Variants in PTPN13 observed in about 807,000 individuals in gnomAD.
PTPN13 encodes the protein tyrosine-protein phosphatase non-receptor type 13.
In PTPN13, 191 loss-of-function variants were observed where a neutral mutation model predicts 284.0. That is an observed-to-expected ratio of 0.67 (90% CI 0.60 to 0.76). PTPN13 has a LOEUF of 0.76. Ranked by LOEUF, PTPN13 falls within the 30% of genes least tolerant of loss-of-function variation. PTPN13 has a pLI of 0.00. For missense variants in PTPN13, 2,797 were observed against 2,939.9 expected, an observed-to-expected ratio of 0.95 and a Z score of 1.12; for synonymous variants, 986 against 1,022.3, an observed-to-expected ratio of 0.96 and a Z score of 0.68.
intron 6 of PTPN13, among the ~76,000 whole-genome samples, chr4:86,696,058 T>C (rs184441321): frequency 6.6e-6 from 1 of 152,076 alleles, no homozygotes; most frequent in East Asian, 1.9e-4. Context: ...AGAGGCTTAA[T>C]GTTTCAGAAA....
intron 16 of PTPN13, among the ~76,000 whole-genome samples, chr4:86,744,533 A>C (rs867785844): frequency 6.6e-6 from 1 of 152,220 alleles, no homozygotes; most frequent in Non-Finnish European, 1.5e-5. Flanking sequence ...TAATACAGTC[A>C]TGTGCCATGT....
At chr4:86,737,062 G>C (rs887699884) in intron 15 of PTPN13, among the ~76,000 whole-genome samples, 1 of 151,970 alleles carries the variant, frequency 6.6e-6, no homozygotes, top group Admixed American at 6.6e-5. Context: ...TAAGTGTTTG[G>C]TGAGTTTTTA....
chr4:86,777,959 T>C (rs1271309111), intron 35 of PTPN13, among the ~76,000 whole-genome samples: 1 of 152,204 alleles, frequency 6.6e-6, no homozygotes, highest in Non-Finnish European at 1.5e-5. Flanking sequence ...CAACTGAATA[T>C]TTTGCCTCAA....
rs151197122 is a variant in PTPN13 at position 86,736,734 on chromosome 4, A to G, written c.2304+988A>G. Among the ~76,000 whole-genome samples, 466 of 152,334 alleles carry G rather than the reference A, an allele frequency of 3.1e-3. 1 individual carries two copies. Among genetic ancestry groups the G allele is most frequent in the Middle Eastern group, 0.014 (4 of 294 alleles). ...AGAATTTGCATGAGGATTTGCAGAC[A>G]GACAGTCTTGCATTTGAATTCTTAT... On this transcript the variant is annotated intron_variant, in intron 15 of 47. Coordinates refer to ENST00000411767, the MANE Select transcript of PTPN13 (RefSeq NM_080683.3).
chr4:86,651,529 T>C (rs1311343769), intron 2 of PTPN13, among the ~76,000 whole-genome samples: 1 of 152,152 alleles, frequency 6.6e-6, no homozygotes, highest in African/African-American at 2.4e-5. Flanking sequence ...CCCATCTCCT[T>C]GATTTATTGG....
chr4:86,764,882 T>C lies in PTPN13; in HGVS notation c.4149+158T>C, dbSNP rs570854597. The C allele has an allele frequency of 4.0e-4, 351 of 873,140 alleles. 2 individuals carry two copies. Among genetic ancestry groups the C allele is most frequent in the African/African-American group, 3.6e-3 (199 of 55,918 alleles). The allele number at this position is 873,140 out of a possible 1,614,324, so 54.1% of individuals were successfully genotyped here. ...TCATATCTAAAAACTATTTTAAAAATTGTGTTAGTCACTTTTTCCTGTGAT... is the reference window on the plus strand; with the variant it reads ...TCATATCTAAAAACTATTTTAAAAACTGTGTTAGTCACTTTTTCCTGTGAT... On this transcript the variant is annotated intron_variant, in intron 25 of 47. Transcript: ENST00000411767.
intron 1 of PTPN13, among the ~76,000 whole-genome samples, chr4:86,599,376 A>T (rs937808032): frequency 6.6e-6 from 1 of 152,118 alleles, no homozygotes; most frequent in African/African-American, 2.4e-5. Context: ...TACTATTTGG[A>T]TGAGAATTTA....
intron 6 of PTPN13, among the ~76,000 whole-genome samples, chr4:86,694,318 C>T (rs1255634850): frequency 3.3e-5 from 5 of 151,674 alleles, no homozygotes; most frequent in Non-Finnish European, 5.9e-5. Context: ...TGGTGGCTCA[C>T]GCCTGTAATC....
At chr4:86,752,372 T>C (rs1044097132) in intron 19 of PTPN13, among the ~76,000 whole-genome samples, 1 of 152,202 alleles carries the variant, frequency 6.6e-6, no homozygotes, top group African/African-American at 2.4e-5. Flanking sequence ...ACTTTATTAA[T>C]GTAGGCTTTC....
At chr4:86,607,708 G>T (rs894953783) in intron 1 of PTPN13, among the ~76,000 whole-genome samples, 1 of 152,006 alleles carries the variant, frequency 6.6e-6, no homozygotes, top group African/African-American at 2.4e-5. Flanking sequence ...TAGAAAAGAT[G>T]AAAGAGACCT....
chr4:86,758,900 G>A (rs761733677), intron 22 of PTPN13, 42 bp from the exon 23 acceptor site: 10 of 1,597,812 alleles, frequency 6.3e-6, no homozygotes, highest in East Asian at 2.2e-5. Context: ...CAGAATAAAT[G>A]TATCTTTGTT....
chr4:86,598,628 CT>C (rs1764032859), intron 1 of PTPN13, among the ~76,000 whole-genome samples: 1 of 152,204 alleles, frequency 6.6e-6, no homozygotes. Flanking sequence ...AAAAGGCCCT[CT>C]TTACCTACTA....
chr4:86,768,747 G>C (rs1020094074), intron 28 of PTPN13, among the ~76,000 whole-genome samples: 3 of 119,578 alleles, frequency 2.5e-5, no homozygotes, highest in Non-Finnish European at 4.9e-5. Flanking sequence ...GTCTCGTTCT[G>C]TTGCCCAGGC....
chr4:86,611,021 C>T (rs1276494736), intron 1 of PTPN13, among the ~76,000 whole-genome samples: 13 of 152,156 alleles, frequency 8.5e-5, no homozygotes, highest in African/African-American at 2.9e-4. Context: ...AAATATATGA[C>T]TTGATTTCCA....
In PTPN13 at chr4:86,635,461, T is replaced by G. The variant is rs1375251757; in HGVS notation, c.115+90T>G. ...ACAGGGTCAGAGATTAGATTTTTGT[T>G]TCATTATTCCTGTGCCTTTGGCAGA... On this transcript the variant is annotated intron_variant, in intron 2 of 47. Transcript: ENST00000411767. The G allele has an allele frequency of 2.0e-6, 3 of 1,509,102 alleles. No homozygotes were observed. The African/African-American group carries it at 4.2e-5, about 21-fold the overall frequency. 93.5% of individuals were successfully genotyped at this position (1,509,102 alleles called of 1,614,324 possible). A position where few individuals can be genotyped will look rare whatever the true frequency, so the allele number is the denominator to read the frequency against.
At position 86,814,569 on chromosome 4, in the gene PTPN13, GA is replaced by G. The variant is rs758178532; in HGVS notation, c.*19del. 5.1e-6 allele frequency: 8 copies of G among 1,580,484 alleles called. No individual in the cohort carries two copies. The highest frequency in any genetic ancestry group is 7.0e-6 in the Non-Finnish European group (8 of 1,150,462). Reference sequence around the variant, plus strand: ...TGAAGTGACATGAAAAGAGCCTCTGGATGCATTTCCATTTCTCTCCTTAACC... The same window carrying G: ...TGAAGTGACATGAAAAGAGCCTCTGGTGCATTTCCATTTCTCTCCTTAACC... On this transcript the variant is annotated 3_prime_UTR_variant, in exon 48 of 48. Coordinates refer to ENST00000411767, the MANE Select transcript of PTPN13 (RefSeq NM_080683.3).
chr4:86,805,682 CTGG>C (rs1464297124), intron 44 of PTPN13, among the ~76,000 whole-genome samples: 1 of 152,160 alleles, frequency 6.6e-6, no homozygotes, highest in South Asian at 2.1e-4. Flanking sequence ...AAAATAGGAA[CTGG>C]CTTCTGGATG....
At chr4:86,606,637 G>GT (rs1764768513) in intron 1 of PTPN13, among the ~76,000 whole-genome samples, 7 of 151,894 alleles carry the variant, frequency 4.6e-5, no homozygotes, top group Admixed American at 2.6e-4. Flanking sequence ...TCAGATAAAT[G>GT]TTTTATTTGG....
At position 86,798,098 on chromosome 4, in the gene PTPN13, T is replaced by G. The variant is rs564014623; in HGVS notation, c.6402-1003T>G. Among the ~76,000 whole-genome samples, 151 of 152,256 alleles carry G rather than the reference T, an allele frequency of 9.9e-4. 1 individual carries two copies. The highest frequency in any genetic ancestry group is 3.4e-3 in the African/African-American group (142 of 41,540). On this transcript the variant is annotated intron_variant, in intron 41 of 47. Coordinates refer to ENST00000411767, the MANE Select transcript of PTPN13 (RefSeq NM_080683.3). The stretch of plus-strand genomic sequence containing the variant: ...ATTAACTGAAGAAAAATGCATGCCC[T>G]TTACAGATTTTTTGAGATTGAGAAA...
Sources: gnomAD v4.1 joint callset for allele counts (sites outside exome capture counted in the v4.1 genomes callset) on GRCh38, gnomAD v4.1.1 for gene constraint, MANE v1.5 for transcripts, NCBI Gene and HGNC (gene_info 2026-07-23, HGNC 2026-07-21) for gene names.